The following PTPRC variants were observed in gnomAD, a reference collection of about 807,000 sequenced individuals.
The protein encoded by PTPRC is receptor-type tyrosine-protein phosphatase C.
Under a neutral mutation model 155.9 loss-of-function variants are expected in PTPRC, and 44 were observed. That is an observed-to-expected ratio of 0.28 (90% CI 0.22 to 0.36). The LOEUF (loss-of-function observed/expected upper bound fraction) is 0.36. PTPRC is among the 10% of genes least tolerant of loss of function. The pLI is 1.00. For missense variants in PTPRC, 1,401 were observed against 1,564.6 expected, an observed-to-expected ratio of 0.90 and a Z score of 1.76; for synonymous variants, 525 against 533.1, an observed-to-expected ratio of 0.98 and a Z score of 0.21.
chr1:198,744,490 T>C (rs1247328195), intron 26 of PTPRC, among the ~76,000 whole-genome samples: 1 of 151,876 alleles, frequency 6.6e-6, no homozygotes, highest in Non-Finnish European at 1.5e-5. Flanking sequence ...AATAATAGTA[T>C]ATAGCCACAA....
At position 198,693,868 on chromosome 1, in the gene PTPRC, A is replaced by C. The variant is rs1666059774; in HGVS notation, c.100+1495A>C. ...CTGGGACTGAATTTGCTTGGCTAGA[A>C]GTAATCTTTAGGAATGCTACTCATC... On this transcript the variant is annotated intron_variant, in intron 3 of 32. Transcript: ENST00000442510. 2.9e-6 allele frequency: 3 copies of C among 1,021,340 alleles called. No homozygotes were observed. The African/African-American group carries it at 5.0e-5, about 17-fold the overall frequency. 63.3% of individuals were successfully genotyped at this position (1,021,340 alleles called of 1,614,324 possible).
intron 2 of PTPRC, among the ~76,000 whole-genome samples, chr1:198,646,193 G>A (rs1010241598): frequency 4.0e-5 from 6 of 151,574 alleles, no homozygotes; most frequent in Non-Finnish European, 8.9e-5. Context: ...GAAATCCTTG[G>A]CAGTTTTTCC....
At chr1:198,643,711 A>G (rs1013623955) in intron 2 of PTPRC, among the ~76,000 whole-genome samples, 6 of 151,852 alleles carry the variant, frequency 4.0e-5, no homozygotes, top group East Asian at 1.9e-4. Flanking sequence ...TGGAGGGTCA[A>G]TTTTATTTTT....
At chr1:198,742,572 T>C (rs1210417286) in intron 25 of PTPRC, among the ~76,000 whole-genome samples, 1 of 151,844 alleles carries the variant, frequency 6.6e-6, no homozygotes, top group Admixed American at 6.6e-5. Flanking sequence ...GGAAGAAAGA[T>C]GACCACAAAA....
chr1:198,672,373 C>T (rs928048994), intron 2 of PTPRC, among the ~76,000 whole-genome samples: 1 of 152,108 alleles, frequency 6.6e-6, no homozygotes, highest in Non-Finnish European at 1.5e-5. Flanking sequence ...GAGCTAATTC[C>T]GTTTTGTAAG....
intron 29 of PTPRC, 138 bp downstream of exon 29, chr1:198,750,764 C>T (rs764221650): frequency 1.5e-5 from 17 of 1,110,440 alleles, no homozygotes; most frequent in Admixed American, 1.1e-4. Context: ...TCAGTCTTAC[C>T]CCTTTCACCC....
intron 12 of PTPRC, among the ~76,000 whole-genome samples, chr1:198,716,061 T>C (rs996558570): frequency 3.3e-5 from 5 of 152,204 alleles, no homozygotes; most frequent in Non-Finnish European, 4.4e-5. Context: ...AAAACATTCC[T>C]TCTTCCGTTT....
chr1:198,718,173 C>T lies in PTPRC; in HGVS notation c.1530C>T (p.Asp510=). 1 of 1,613,700 alleles carries T rather than the reference C, an allele frequency of 6.2e-7. No individual in the cohort carries two copies. The highest frequency in any genetic ancestry group is 8.5e-7 in the Non-Finnish European group (1 of 1,179,670). Residue 510 remains aspartate, a synonymous_variant, in exon 14 of 33, where the codon GAC becomes GAT. Coordinates refer to ENST00000442510, the MANE Select transcript of PTPRC (RefSeq NM_002838.5). The part of the protein sequence containing the change: ...SMHVKCRPPR[D]RNGPHERYHL... ...ATGTCAAGTGTAGGCCTCCCAGGGA[C>T]CGTAATGGCCCCCATGAACGTTACC...
rs763450807 is a variant in PTPRC, at chr1:198,709,695, A to T, written c.1042A>T (p.Ile348Leu). 1 of 1,573,636 alleles carries T rather than the reference A, an allele frequency of 6.4e-7. No homozygotes were observed. The highest frequency in any genetic ancestry group is 8.7e-7 in the Non-Finnish European group (1 of 1,150,154). Residue 348 changes from isoleucine (I) to leucine (L), a missense_variant, in exon 11 of 33, where the codon ATA (isoleucine) becomes TTA (leucine). Around this residue, in one of 3 missense-constraint regions of PTPRC, gnomAD observed 867 missense variants for 970.4 expected, o/e 0.89. Transcript: ENST00000442510. ...ITYRFQCGNM[I>L]FDNKEIKLEN... ...ATATTTCTTTATTTCAGGTAATATG[A>T]TATTTGATAATAAAGAAATTAAATT...
intron 2 of PTPRC, among the ~76,000 whole-genome samples, chr1:198,658,198 G>T (rs886816561): frequency 2.0e-5 from 3 of 152,142 alleles, no homozygotes; most frequent in Admixed American, 6.5e-5. Flanking sequence ...TATCGTTACA[G>T]AGTAGCCTTT....
In PTPRC at chr1:198,740,967, G is replaced by A. The variant is rs191929481; in HGVS notation, c.2404-902G>A. ...AAACAGACTTAGTCTATATATCTCCGTAGGTCTTCTTAGGTTTCCATGGTA... is the reference window on the plus strand; with the variant it reads ...AAACAGACTTAGTCTATATATCTCCATAGGTCTTCTTAGGTTTCCATGGTA... On this transcript the variant is annotated intron_variant, in intron 23 of 32. Transcript: ENST00000442510. 1.8e-4 allele frequency among the ~76,000 whole-genome samples: 28 copies of A among 151,880 alleles called. No individual in the cohort carries two copies. The East Asian group carries it at 3.3e-3, about 18-fold the overall frequency.
intron 3 of PTPRC, among the ~76,000 whole-genome samples, chr1:198,695,411 A>C (rs1171115605): frequency 9.7e-6 from 1 of 102,924 alleles, no homozygotes; most frequent in Non-Finnish European, 1.9e-5. Context: ...AAAAGTAAAT[A>C]TATGTTAAGC....
intron 2 of PTPRC, among the ~76,000 whole-genome samples, chr1:198,671,952 T>C (rs761451919): frequency 6.6e-6 from 1 of 152,206 alleles, no homozygotes; most frequent in South Asian, 2.1e-4. Context: ...ATCATCCATA[T>C]CTCTGCATTT....
rs1471347474 is a variant in PTPRC at position 198,696,733 on chromosome 1, C to T, written c.122C>T (p.Pro41Leu). 6.2e-7 allele frequency: 1 copy of T among 1,613,866 alleles called. No homozygotes were observed. Among genetic ancestry groups the T allele is most frequent in the Non-Finnish European group, 8.5e-7 (1 of 1,179,830 alleles). ...SPTGLTTAKM[P>L]SVPLSSDPLP... ...ACAGGATTGACTACAGCAAAGATGC[C>T]CAGTGTTCCACTTTCAAGTGACCCC... The change falls in exon 4 of 33, where the codon CCC (proline) becomes CTC (leucine). Residue 41 changes from proline to leucine, a missense_variant. This residue lies in a region of PTPRC where 867 missense variants were observed against 970.4 expected (regional missense o/e 0.89). Transcript: ENST00000442510.
At chr1:198,749,631 T>G in intron 28 of PTPRC, 82 bp downstream of exon 28, 1 of 1,368,390 alleles carries the variant, frequency 7.3e-7, no homozygotes, top group Non-Finnish European at 1.0e-6. Context: ...ATTAAGCGAT[T>G]TTATAAAAGA....
rs541880591 is a variant in PTPRC at position 198,661,953 on chromosome 1, TG to T, written c.73+22613del. On this transcript the variant is annotated intron_variant, in intron 2 of 32. Coordinates refer to ENST00000442510, the MANE Select transcript of PTPRC (RefSeq NM_002838.5). ...TCTTGGATTTCAATTTCATTTATAATGTGTGATATTCTGGACTGGACACAGC... is the reference window on the plus strand; with the variant it reads ...TCTTGGATTTCAATTTCATTTATAATTGTGATATTCTGGACTGGACACAGC... Among the ~76,000 whole-genome samples the T allele has an allele frequency of 9.8e-5, 15 of 152,296 alleles. No individual in the cohort carries two copies. In the East Asian group the frequency reaches 2.9e-3, roughly 29 times the overall value.
intron 2 of PTPRC, among the ~76,000 whole-genome samples, chr1:198,657,333 T>TA (rs79425349): frequency 0.079 from 12,066 of 151,998 alleles, 721 homozygotes; most frequent in African/African-American, 0.15. Flanking sequence ...TTTATTCCTT[T>TA]AAAAAAATCC....
intron 2 of PTPRC, among the ~76,000 whole-genome samples, chr1:198,683,454 A>T (rs1665450663): frequency 6.6e-6 from 1 of 152,168 alleles, no homozygotes; most frequent in South Asian, 2.1e-4. Flanking sequence ...AATCAGGTAT[A>T]TATCCCTGGA....
At chr1:198,732,420 T>C in intron 19 of PTPRC, 30 bp downstream of exon 19, 2 of 1,597,368 alleles carry the variant, frequency 1.3e-6, no homozygotes, top group Non-Finnish European at 8.6e-7. Context: ...TGAATTCCCA[T>C]ATATTAGGCT....
Sources: allele counts gnomAD v4.1 joint callset (sites outside exome capture counted in the v4.1 genomes callset), GRCh38; gene constraint gnomAD v4.1.1; regional missense constraint gnomAD v4.1.1; transcripts MANE v1.5; gene names NCBI Gene and HGNC (gene_info 2026-07-23, HGNC 2026-07-21).